AFF3: variants seen among roughly 807,000 people sequenced by gnomAD.
AFF3 encodes the protein ALF transcription elongation factor 3.
AFF3 carries 32 observed loss-of-function variants against 129.7 expected under a neutral mutation model. The ratio of observed to expected loss-of-function variants is 0.25; its 90% CI spans 0.19 to 0.33. The LOEUF (loss-of-function observed/expected upper bound fraction) is 0.33. Among genes scored for constraint, AFF3 ranks in the 10% least tolerant of loss-of-function variants. The probability of loss-of-function intolerance (pLI) is 1.00; values close to 1 mark genes in which losing one functional copy is unlikely to be tolerated. For synonymous variants in AFF3, 644 were observed against 635.4 expected (o/e 1.01, Z -0.20); for missense variants, 1,373 against 1,592.0 (o/e 0.86, Z 2.34).
At chr2:99,884,048 C>T (rs1692922892) in intron 7 of AFF3, among the ~76,000 whole-genome samples, 1 of 152,130 alleles carries the variant, frequency 6.6e-6, no homozygotes, top group African/African-American at 2.4e-5. Flanking sequence ...CCTCATTTTA[C>T]CCACTGTGAT....
intron 18 of AFF3, among the ~76,000 whole-genome samples, chr2:99,574,249 T>C (rs1676776805): frequency 6.6e-6 from 1 of 151,604 alleles, no homozygotes; most frequent in Non-Finnish European, 1.5e-5. Flanking sequence ...GTAGTGAATG[T>C]TGTGCGTTTG....
In AFF3 at chr2:100,004,858, C is replaced by CA. The variant is rs1273801438; in HGVS notation, c.873+1773dup. ...ATGATAAACACTGCACCCCCCTTCA[C>CA]AAAAAAAAAAAGAACCCACCCACCA... On this transcript the variant is annotated intron_variant, in intron 7 of 24. Coordinates refer to ENST00000672756, the MANE Select transcript of AFF3 (RefSeq NM_001386135.1). 7.0e-3 allele frequency among the ~76,000 whole-genome samples: 992 copies of CA among 141,658 alleles called. 13 individuals are homozygous for CA. Among genetic ancestry groups the CA allele is most frequent in the African/African-American group, 0.02 (768 of 38,850 alleles). 92.9% of individuals were successfully genotyped at this position (141,658 alleles called of 152,430 possible). A position where few individuals can be genotyped will look rare whatever the true frequency, so the allele number is the denominator to read the frequency against.
chr2:99,848,877 T>C lies in AFF3; in HGVS notation c.874-11353A>G, dbSNP rs184258940. 4.6e-3 allele frequency among the ~76,000 whole-genome samples: 696 copies of C among 152,284 alleles called. 18 individuals are homozygous for C. The highest frequency in any genetic ancestry group is 0.04 in the Admixed American group (619 of 15,292). On this transcript the variant is annotated intron_variant, in intron 7 of 24. Coordinates refer to ENST00000672756, the MANE Select transcript of AFF3 (RefSeq NM_001386135.1). ...TGATTTCTAGCACTGGGAAAGTAGA[T>C]GGTTTTTAGAAACTACTTCCATTAG... is the stretch of plus-strand genomic sequence containing the variant.
At chr2:100,137,918 T>C (rs1254835022) in intron 1 of AFF3, among the ~76,000 whole-genome samples, 1 of 152,148 alleles carries the variant, frequency 6.6e-6, no homozygotes, top group Non-Finnish European at 1.5e-5. Context: ...AATTCCTTGG[T>C]CTTCATACTC....
rs147772436 is a variant in AFF3, at chr2:99,988,834, GATTT to G, written c.873+17794_873+17797del. Among the ~76,000 whole-genome samples the G allele has an allele frequency of 3.5e-3, 539 of 152,208 alleles. 1 individual carries two copies. Among genetic ancestry groups the G allele is most frequent in the African/African-American group, 0.012 (513 of 41,530 alleles). ...TTGGAGCATGAATGTAACATGATCT[GATTT>G]ATTTTTTCCTTTTCCTTACTACAGA... On this transcript the variant is annotated intron_variant, in intron 7 of 24. Transcript: ENST00000672756.
Position 99,775,270 on chromosome 2 carries a change from G to C in AFF3, c.922-22969C>G, listed in dbSNP as rs1016678296. On this transcript the variant is annotated intron_variant, in intron 8 of 24. Transcript: ENST00000672756. ...AAGGAATAGAAATTGTTCTATTGTA[G>C]TGCTATTAGCAATAGAAAAGACATG... Among the ~76,000 whole-genome samples, 10 of 151,916 alleles carry C rather than the reference G, an allele frequency of 6.6e-5. No homozygotes were observed. In the South Asian group the frequency reaches 2.1e-3, roughly 32 times the overall value.
In AFF3 at chr2:99,690,692, G is replaced by A. The variant is rs564306275; in HGVS notation, c.1092-18103C>T. Among the ~76,000 whole-genome samples, 12 of 152,106 alleles carry A rather than the reference G, an allele frequency of 7.9e-5. No homozygotes were observed. In the South Asian group the frequency reaches 2.5e-3, roughly 32 times the overall value. On this transcript the variant is annotated intron_variant, in intron 11 of 24. Transcript: ENST00000672756. ...TGTACTCCTGTTAGAATCCATGTAC[G>A]ACTTTTTAGCCAGAGCTTCTCCCAG...
chr2:99,877,034 C>T (rs1304211195), intron 7 of AFF3, among the ~76,000 whole-genome samples: 1 of 152,138 alleles, frequency 6.6e-6, no homozygotes, highest in Non-Finnish European at 1.5e-5. Flanking sequence ...TGGGTGGAGG[C>T]TACTAACGCT....
At chr2:99,841,550 A>C (rs1475963683) in intron 7 of AFF3, among the ~76,000 whole-genome samples, 1 of 152,214 alleles carries the variant, frequency 6.6e-6, no homozygotes, top group African/African-American at 2.4e-5. Context: ...GTCTTTTCAG[A>C]ACACTGAGAA....
At chr2:99,995,242 A>G (rs1680729480) in intron 7 of AFF3, among the ~76,000 whole-genome samples, 2 of 152,100 alleles carry the variant, frequency 1.3e-5, no homozygotes, top group Non-Finnish European at 2.9e-5. Context: ...AAAAGAAAGC[A>G]TTTTTTCTTG....
chr2:99,872,239 A>G (rs4851237), intron 7 of AFF3, among the ~76,000 whole-genome samples: 123,826 of 140,256 alleles, frequency 0.88, 54,899 homozygotes, highest in African/African-American at 0.96. Flanking sequence ...AAAAGGGAAA[A>G]CGGCACATGG....
intron 8 of AFF3, among the ~76,000 whole-genome samples, chr2:99,802,059 T>C (rs974592312): frequency 6.6e-6 from 1 of 152,214 alleles, no homozygotes; most frequent in African/African-American, 2.4e-5. Context: ...AACATGTAAT[T>C]ACCAAGTTTA....
chr2:100,061,194 G>A (rs1384691192), intron 4 of AFF3, among the ~76,000 whole-genome samples: 1 of 152,170 alleles, frequency 6.6e-6, no homozygotes, highest in Non-Finnish European at 1.5e-5. Context: ...GCCCTAGTGT[G>A]ATGTTTGAAG....
intron 4 of AFF3, among the ~76,000 whole-genome samples, chr2:100,044,050 C>T (rs897276871): frequency 4.6e-5 from 7 of 152,226 alleles, no homozygotes; most frequent in Admixed American, 3.9e-4. Flanking sequence ...GTAATTAGAG[C>T]TCACCGCGGC....
chr2:100,007,486 C>T (rs754012741), intron 5 of AFF3, 26 bp from the exon 6 acceptor site: 3 of 1,590,304 alleles, frequency 1.9e-6, no homozygotes, highest in Admixed American at 1.7e-5. Flanking sequence ...CACATCCACG[C>T]TATTGTTAGA....
chr2:99,635,004 T>A (rs546100392), intron 13 of AFF3, among the ~76,000 whole-genome samples: 1 of 84,630 alleles, frequency 1.2e-5, no homozygotes. Flanking sequence ...CACACACACA[T>A]ATGGTTGCTG....
chr2:100,010,752 C>T (rs1682454005), intron 4 of AFF3, among the ~76,000 whole-genome samples: 1 of 152,104 alleles, frequency 6.6e-6, no homozygotes, highest in African/African-American at 2.4e-5. Flanking sequence ...ATTCACAGAA[C>T]CAGACTTCCA....
At chr2:99,767,276 C>G (rs1028435773) in intron 8 of AFF3, among the ~76,000 whole-genome samples, 2 of 152,156 alleles carry the variant, frequency 1.3e-5, no homozygotes, top group South Asian at 4.1e-4. Context: ...CGCAACAGAT[C>G]TATATTCGAA....
chr2:100,000,269 T>A (rs916233234), intron 7 of AFF3, among the ~76,000 whole-genome samples: 13 of 152,164 alleles, frequency 8.5e-5, no homozygotes, highest in Non-Finnish European at 1.0e-4. Flanking sequence ...AATAAAGCTC[T>A]CATGTGATAG....
Sources: allele counts gnomAD v4.1 joint callset (sites outside exome capture counted in the v4.1 genomes callset), GRCh38; gene constraint gnomAD v4.1.1; transcripts MANE v1.5; gene names NCBI Gene and HGNC (gene_info 2026-07-23, HGNC 2026-07-21).